The following MDGA1 variants were observed in gnomAD, a reference collection of about 807,000 sequenced individuals.
MDGA1 encodes MAM domain-containing glycosylphosphatidylinositol anchor protein 1.
In MDGA1, 54 loss-of-function variants were observed where a neutral mutation model predicts 101.5. The observed-to-expected ratio is 0.53, with a 90% confidence interval of 0.43 to 0.67. MDGA1 has a LOEUF of 0.67. Ranked by LOEUF, MDGA1 falls within the 30% of genes least tolerant of loss-of-function variation. The pLI is 0.00. For missense variants in MDGA1, 1,083 were observed against 1,323.8 expected, an observed-to-expected ratio of 0.82 and a Z score of 2.82; for synonymous variants, 533 against 558.3, an observed-to-expected ratio of 0.95 and a Z score of 0.64.
In MDGA1 at chr6:37,635,220, C is replaced by G. The variant is rs945055089; in HGVS notation, c.*2148G>C. ...AAAGGACTCTGGTGGTTCTATTCTG[C>G]AGGCAAGGCCAGGAACCACTGATTA... On this transcript the variant is annotated 3_prime_UTR_variant, in exon 17 of 17. Coordinates refer to ENST00000434837, the MANE Select transcript of MDGA1 (RefSeq NM_153487.4). 1 of 377,134 alleles carries G rather than the reference C, an allele frequency of 2.7e-6. No homozygotes were observed. The highest frequency in any genetic ancestry group is 2.1e-5 in the African/African-American group (1 of 48,280). The allele number at this position is 377,134 out of a possible 1,614,324, so 23.4% of individuals were successfully genotyped here.
At position 37,650,253 on chromosome 6, in the gene MDGA1, G is replaced by T; in HGVS notation, c.1465C>A (p.Leu489Met). The change falls in exon 8 of 17, where the codon CTG (leucine) becomes ATG (methionine). Residue 489 changes from leucine to methionine, a missense_variant. Leu to Met is a conservative substitution (Grantham distance 15). Transcript: ENST00000434837. ...CCGTCCGGAGTCTCCTCCAGGGGCA[G>T]CCCCGAGGGCAGCAGTGCAGCCTCC... ...DKEAALLPSG[L>M]PLEETPDGKL... 1 of 1,609,854 alleles carries T rather than the reference G, an allele frequency of 6.2e-7. No individual in the cohort carries two copies.
chr6:37,655,842 T>C lies in MDGA1; in HGVS notation c.437A>G (p.Asn146Ser), dbSNP rs1761471999. Residue 146 changes from asparagine to serine, a missense_variant, in exon 4 of 17, where the codon AAC becomes AGC. Physicochemically the swap from Asn to Ser is conservative, Grantham distance 46. Transcript: ENST00000434837. This position sits in a 1 kb window ranked among gnomAD's most constrained non-coding sequence, Gnocchi z 5.1. ...VHQTVSDVRG[N>S]FYQEKTVFLR... ...GAACACCGTCTTCTCCTGGTAGAAG[T>C]TGCCTCGCACATCGCTCACCGTCTG... 11 of 1,613,708 alleles carry C rather than the reference T, an allele frequency of 6.8e-6. No individual in the cohort carries two copies. The highest frequency in any genetic ancestry group is 8.5e-6 in the Non-Finnish European group (10 of 1,179,800).
rs763376200 is a variant in MDGA1 at position 37,644,577 on chromosome 6, G to A, written c.2321C>T (p.Thr774Met). Residue 774 changes from threonine to methionine, a missense_variant, in exon 13 of 17, where the codon ACG (threonine) becomes ATG (methionine). Physicochemically the swap from Thr to Met is moderately conservative, Grantham distance 81. Coordinates refer to ENST00000434837, the MANE Select transcript of MDGA1 (RefSeq NM_153487.4). ...GTTCTGGGTGAGGGCATTCTGCCGC[G>A]TCCAGTCAAAGTTGTCTGTCAGGTC... ...TQDLTDNFDW[T>M]RQNALTQNPK... 2.8e-5 allele frequency: 45 copies of A among 1,609,418 alleles called. No individual in the cohort carries two copies. The highest frequency in any genetic ancestry group is 9.0e-5 in the East Asian group (4 of 44,320).
intron 3 of MDGA1, among the ~76,000 whole-genome samples, chr6:37,656,729 C>G (rs577175857): frequency 6.6e-6 from 1 of 152,080 alleles, no homozygotes; most frequent in Non-Finnish European, 1.5e-5. Context: ...CTCCCAGGGA[C>G]CTGCATGAGG....
At position 37,632,574 on chromosome 6, in the gene MDGA1, T is replaced by C. The variant is rs901768751; in HGVS notation, c.*4794A>G. On this transcript the variant is annotated 3_prime_UTR_variant, in exon 17 of 17. Coordinates refer to ENST00000434837, the MANE Select transcript of MDGA1 (RefSeq NM_153487.4). ...CCGCGTCCGCAACTAGAGGTTACAT[T>C]TGGGGGCTTGGAGGTGAAAGAGAGG... The C allele has an allele frequency of 1.3e-5, 2 of 152,650 alleles. No homozygotes were observed. The highest frequency in any genetic ancestry group is 2.9e-5 in the Non-Finnish European group (2 of 68,126). The allele number at this position is 152,650 out of a possible 1,614,324, so 9.5% of individuals were successfully genotyped here. A position where few individuals can be genotyped will look rare whatever the true frequency, so the allele number is the denominator to read the frequency against.
chr6:37,651,211 A>G (rs1029895244), intron 7 of MDGA1, among the ~76,000 whole-genome samples: 2 of 152,244 alleles, frequency 1.3e-5, no homozygotes, highest in Non-Finnish European at 2.9e-5. Context: ...ACTGTTAATT[A>G]GGGTTATTTC....
intron 2 of MDGA1, among the ~76,000 whole-genome samples, chr6:37,663,143 T>C (rs945347275): frequency 6.6e-6 from 1 of 152,186 alleles, no homozygotes; most frequent in Admixed American, 6.5e-5. Flanking sequence ...AAGGTCACAG[T>C]AGCTCACCAG....
intron 1 of MDGA1, among the ~76,000 whole-genome samples, chr6:37,680,568 G>A (rs1438519598): frequency 6.6e-6 from 1 of 152,250 alleles, no homozygotes; most frequent in Non-Finnish European, 1.5e-5. Flanking sequence ...TACTTAATAC[G>A]ACCAGAGTTG....
chr6:37,685,825 G>A (rs1041626385), intron 1 of MDGA1, among the ~76,000 whole-genome samples: 4 of 152,064 alleles, frequency 2.6e-5, no homozygotes, highest in Admixed American at 2.0e-4. Context: ...GGTCTCTTCT[G>A]GGCATCTTCA....
chr6:37,676,110 G>A (rs1482764050), intron 1 of MDGA1, among the ~76,000 whole-genome samples: 2 of 152,196 alleles, frequency 1.3e-5, no homozygotes, highest in Admixed American at 6.5e-5. Flanking sequence ...CAGTTAGAAG[G>A]GGCTGACATA....
intron 1 of MDGA1, among the ~76,000 whole-genome samples, chr6:37,677,168 A>G (rs1292044680): frequency 6.6e-6 from 1 of 152,224 alleles, no homozygotes; most frequent in Admixed American, 6.5e-5. Flanking sequence ...GTTAAAAAGC[A>G]GGCCATAATG....
intron 1 of MDGA1, among the ~76,000 whole-genome samples, chr6:37,677,607 A>G (rs1008643565): frequency 2.1e-4 from 32 of 152,332 alleles, no homozygotes; most frequent in African/African-American, 7.0e-4. Context: ...CTGCTATGTA[A>G]AAATATATTG....
At chr6:37,648,807 G>A (rs1168445412) in intron 9 of MDGA1, among the ~76,000 whole-genome samples, 175 bp downstream of exon 9, 3 of 152,228 alleles carry the variant, frequency 2.0e-5, no homozygotes, top group East Asian at 1.9e-4. Flanking sequence ...GGCACGGGGC[G>A]GGGCCTGGCC....
Position 37,635,798 on chromosome 6 carries a change from C to T in MDGA1, c.*1570G>A, listed in dbSNP as rs1009192482. On this transcript the variant is annotated 3_prime_UTR_variant, in exon 17 of 17. Coordinates refer to ENST00000434837, the MANE Select transcript of MDGA1 (RefSeq NM_153487.4). Reference sequence around the variant, plus strand: ...GATGAAAGGTGGAATTTCAGGCCATCGCAGGCAGCTTGAGACTACAGAACA... The same window carrying T: ...GATGAAAGGTGGAATTTCAGGCCATTGCAGGCAGCTTGAGACTACAGAACA... The T allele has an allele frequency of 2.0e-5, 8 of 398,172 alleles. No individual in the cohort carries two copies. The highest frequency in any genetic ancestry group is 8.2e-5 in the African/African-American group (4 of 48,652). The allele number at this position is 398,172 out of a possible 1,614,324, so 24.7% of individuals were successfully genotyped here. A position where few individuals can be genotyped will look rare whatever the true frequency, so the allele number is the denominator to read the frequency against.
rs1002755860 is a variant in MDGA1 at position 37,672,786 on chromosome 6, G to A, written c.68-8680C>T. Among the ~76,000 whole-genome samples the A allele has an allele frequency of 3.3e-5, 5 of 152,272 alleles. No individual in the cohort carries two copies. In the East Asian group the frequency reaches 9.7e-4, roughly 29 times the overall value. Reference sequence around the variant, plus strand: ...AGTATGAGGTGCTAAGCTTGGTTCTGAGGTAACAGAGAGCTGTGGCACTCA... The same window carrying A: ...AGTATGAGGTGCTAAGCTTGGTTCTAAGGTAACAGAGAGCTGTGGCACTCA... On this transcript the variant is annotated intron_variant, in intron 1 of 16. Transcript: ENST00000434837.
intron 1 of MDGA1, among the ~76,000 whole-genome samples, chr6:37,690,108 T>A (rs1246958980): frequency 6.6e-6 from 1 of 152,202 alleles, no homozygotes. Context: ...TCCAGCCACA[T>A]TGGACTCCTC....
intron 9 of MDGA1, among the ~76,000 whole-genome samples, 183 bp from the exon 10 acceptor site, chr6:37,647,507 G>C (rs1049032297): frequency 2.2e-4 from 34 of 152,050 alleles, no homozygotes; most frequent in Non-Finnish European, 2.4e-4. Flanking sequence ...GGAAAACGAG[G>C]ATGGGATAGG....
intron 10 of MDGA1, 108 bp downstream of exon 10, chr6:37,647,065 C>T (rs1349415629): frequency 6.9e-6 from 7 of 1,011,872 alleles, no homozygotes; most frequent in African/African-American, 3.2e-5. Flanking sequence ...AAAGGGTCAA[C>T]GTGTCTAAGC....
rs1581846193 is a variant in MDGA1, at chr6:37,644,352, T to TC, written c.2401+144dup. On this transcript the variant is annotated intron_variant, in intron 13 of 16. Coordinates refer to ENST00000434837, the MANE Select transcript of MDGA1 (RefSeq NM_153487.4). ...GGCTCCCTGAAATCGAGGCTGTGTCTCCCCTCAGACCAGAGCTCCCTGAGA... is the reference window on the plus strand; with the variant it reads ...GGCTCCCTGAAATCGAGGCTGTGTCTCCCCCTCAGACCAGAGCTCCCTGAGA... 8.7e-6 allele frequency: 8 copies of TC among 920,304 alleles called. No individual in the cohort carries two copies. The East Asian group carries it at 2.4e-4, about 27-fold the overall frequency. 57.0% of individuals were successfully genotyped at this position (920,304 alleles called of 1,614,324 possible).
Sources: gnomAD v4.1 joint callset for allele counts (sites outside exome capture counted in the v4.1 genomes callset) on GRCh38, gnomAD v4.1.1 for gene constraint, Gnocchi (gnomAD v3.1) non-coding constraint, MANE v1.5 for transcripts, NCBI Gene and HGNC (gene_info 2026-07-23, HGNC 2026-07-21) for gene names.